Variants in GMCL1 observed in about 807,000 individuals in gnomAD.
GMCL1 encodes germ cell-less protein-like 1.
In GMCL1, 54 loss-of-function variants were observed where a neutral mutation model predicts 75.5. That is an observed-to-expected ratio of 0.71 (90% CI 0.57 to 0.90). The LOEUF (loss-of-function observed/expected upper bound fraction) is 0.90, where lower values mean the gene tolerates loss of function less well. GMCL1 is among the 40% of genes least tolerant of loss of function. GMCL1 has a pLI of 0.00. For synonymous variants in GMCL1, 210 were observed against 209.6 expected (o/e 1.00, Z -0.02); for missense variants, 537 against 622.7 (o/e 0.86, Z 1.47).
intron 9 of GMCL1, among the ~76,000 whole-genome samples, chr2:69,859,960 CAA>C (rs916228125): frequency 2.0e-5 from 3 of 151,860 alleles, no homozygotes; most frequent in African/African-American, 7.2e-5. Context: ...TGGGAATAAA[CAA>C]GAGCAGAAAG....
At chr2:69,864,782 A>G (rs1463530931) in intron 10 of GMCL1, 118 bp from the exon 11 acceptor site, 57 of 652,900 alleles carry the variant, frequency 8.7e-5, no homozygotes, top group Non-Finnish European at 1.4e-4. Context: ...TTTTATCTGT[A>G]CCACAAAAAC....
At chr2:69,869,174 G>A (rs1480459992) in intron 11 of GMCL1, among the ~76,000 whole-genome samples, 8 of 151,478 alleles carry the variant, frequency 5.3e-5, no homozygotes, top group Non-Finnish European at 8.8e-5. Context: ...GCTTGAACCC[G>A]GGAGGTGGAG....
intron 4 of GMCL1, chr2:69,842,908 TC>T (rs144330116): frequency 3.6e-5 from 10 of 278,460 alleles, no homozygotes; most frequent in South Asian, 6.9e-5. Context: ...ACCTTACTAC[TC>T]CCCCCCACCT....
intron 3 of GMCL1, chr2:69,840,150 T>C: frequency 6.6e-6 from 1 of 152,466 alleles, no homozygotes; most frequent in Non-Finnish European, 1.5e-5. Flanking sequence ...ATTTACAGCC[T>C]GTAATCCCAG....
chr2:69,836,110 T>G (rs1361280098), intron 1 of GMCL1, among the ~76,000 whole-genome samples: 1 of 152,212 alleles, frequency 6.6e-6, no homozygotes, highest in Non-Finnish European at 1.5e-5. Context: ...TCTTCTTACT[T>G]CTGCCTTTGT....
rs1675256044 is a variant in GMCL1 at position 69,849,700 on chromosome 2, C to G, written c.892C>G (p.Leu298Val). 6.3e-7 allele frequency: 1 copy of G among 1,592,550 alleles called. No individual in the cohort carries two copies. The highest frequency in any genetic ancestry group is 8.5e-7 in the Non-Finnish European group (1 of 1,170,580). ...TTCTTGGAATGGATCTTTAAAACAG[C>G]TTTTGACAGAAACAGATGTCTGGTT... ...VPSWNGSLKQ[L>V]LTETDVWFSK... The change falls in exon 8 of 14, where the codon CTT becomes GTT. Residue 298 changes from leucine to valine, a missense_variant. Leu to Val is a conservative substitution (Grantham distance 32, BLOSUM62 1). This residue lies in a region of GMCL1 where 345 missense variants were observed against 410.5 expected (regional missense o/e 0.84). Coordinates refer to ENST00000282570, the MANE Select transcript of GMCL1 (RefSeq NM_178439.5).
At chr2:69,847,273 G>C (rs1675181423) in intron 6 of GMCL1, among the ~76,000 whole-genome samples, 1 of 152,094 alleles carries the variant, frequency 6.6e-6, no homozygotes, top group Non-Finnish European at 1.5e-5. Flanking sequence ...AGAGCTCTTT[G>C]TTTCCCTATC....
chr2:69,847,114 G>A (rs1192905558), intron 6 of GMCL1, among the ~76,000 whole-genome samples: 5 of 151,288 alleles, frequency 3.3e-5, no homozygotes, highest in Non-Finnish European at 7.4e-5. Context: ...TTACAGATGT[G>A]AGCCACTATG....
rs1251337856 is a variant in GMCL1, at chr2:69,871,523, TACC to T, written c.1365-219_1365-217del. On this transcript the variant is annotated intron_variant, in intron 12 of 13. Transcript: ENST00000282570. ...AAAATGATAAATGTTACGTATATTT[TACC>T]ACAATAAAAACATTTATAAATGATT... Among the ~76,000 whole-genome samples the T allele has an allele frequency of 3.3e-5, 5 of 152,348 alleles. No homozygotes were observed. The East Asian group carries it at 9.6e-4, about 29-fold the overall frequency.
chr2:69,838,243 A>G (rs771870778), intron 2 of GMCL1, among the ~76,000 whole-genome samples: 18 of 146,360 alleles, frequency 1.2e-4, no homozygotes, highest in Non-Finnish European at 1.8e-4. Flanking sequence ...AGGCTGAGGC[A>G]GGAGAATTGC....
At chr2:69,857,259 T>G (rs888564518) in intron 9 of GMCL1, among the ~76,000 whole-genome samples, 5 of 152,196 alleles carry the variant, frequency 3.3e-5, no homozygotes, top group Admixed American at 2.6e-4. Flanking sequence ...ACAGTTGTCT[T>G]CAACTCTGTG....
At chr2:69,844,690 A>G (rs971410882) in intron 6 of GMCL1, 32 of 161,272 alleles carry the variant, frequency 2.0e-4, no homozygotes, top group Non-Finnish European at 5.5e-5. Flanking sequence ...CCTTGAATCC[A>G]AATCTGTAGT....
rs1052948334 is a variant in GMCL1 at position 69,879,656 on chromosome 2, T to A, written c.*652T>A. ...TAAGCATTGTCATTGCTATTTTTTT[T>A]AATTTGACTTTCCTAGGAGTTTAAG... On this transcript the variant is annotated 3_prime_UTR_variant, in exon 14 of 14. Transcript: ENST00000282570. 38 of 152,326 alleles carry A rather than the reference T, an allele frequency of 2.5e-4. No individual in the cohort carries two copies. The highest frequency in any genetic ancestry group is 9.1e-4 in the African/African-American group (38 of 41,576). 9.4% of individuals were successfully genotyped at this position (152,326 alleles called of 1,614,324 possible). A position where few individuals can be genotyped will look rare whatever the true frequency, so the allele number is the denominator to read the frequency against.
At chr2:69,842,915 C>CG in intron 4 of GMCL1, 1 of 291,870 alleles carries the variant, frequency 3.4e-6, no homozygotes, top group Admixed American at 5.1e-5. Context: ...TACTCCCCCC[C>CG]ACCTTCCATT....
intron 11 of GMCL1, 169 bp from the exon 12 acceptor site, chr2:69,869,550 A>G (rs756830680): frequency 1.2e-5 from 7 of 571,898 alleles, no homozygotes; most frequent in African/African-American, 1.9e-5. Flanking sequence ...TCTAGCTTAG[A>G]TAAATAGTTT....
At chr2:69,867,799 T>G (rs1675863255) in intron 11 of GMCL1, among the ~76,000 whole-genome samples, 1 of 152,190 alleles carries the variant, frequency 6.6e-6, no homozygotes, top group Non-Finnish European at 1.5e-5. Context: ...GAACTTGAAG[T>G]AGGTTAGTGC....
rs147857392 is a variant in GMCL1, at chr2:69,873,019, T to C, written c.1452+1187T>C. Among the ~76,000 whole-genome samples, 531 of 152,302 alleles carry C rather than the reference T, an allele frequency of 3.5e-3. 15 individuals are homozygous for C. The South Asian group carries it at 0.078, about 22-fold the overall frequency. On this transcript the variant is annotated intron_variant, in intron 13 of 13. Coordinates refer to ENST00000282570, the MANE Select transcript of GMCL1 (RefSeq NM_178439.5). ...TTGTGTTAATATAGCCTAGTGTAAG[T>C]AGCATGATAGAATTAGCTCAGAGTG...
chr2:69,843,057 T>A, intron 4 of GMCL1, 92 bp from the exon 5 acceptor site: 1 of 503,510 alleles, frequency 2.0e-6, no homozygotes. Context: ...TTCTTCTTTT[T>A]TTTTTTCTTT....
intron 8 of GMCL1, among the ~76,000 whole-genome samples, chr2:69,854,317 A>G (rs776732668): frequency 2.6e-5 from 4 of 152,110 alleles, no homozygotes; most frequent in Non-Finnish European, 5.9e-5. Flanking sequence ...GCCTAGCCAT[A>G]CAGTGTCTTT....
Sources: gnomAD v4.1 joint callset for allele counts (sites outside exome capture counted in the v4.1 genomes callset) on GRCh38, gnomAD v4.1.1 for gene constraint, gnomAD v4.1.1 regional missense constraint, MANE v1.5 for transcripts, NCBI Gene and HGNC (gene_info 2026-07-23, HGNC 2026-07-21) for gene names.